NREP: variants seen among roughly 807,000 people sequenced by gnomAD.
NREP encodes neuronal regeneration related protein.
A neutral mutation model predicts 8.6 loss-of-function variants in NREP; 5 were observed. The ratio of observed to expected loss-of-function variants is 0.58; its 90% CI spans 0.30 to 1.22. The LOEUF is 1.22. Ranked by LOEUF, NREP falls within the 50% of genes most tolerant of loss-of-function variation. The pLI is 0.07. For missense variants in NREP, 86 were observed against 82.5 expected, an observed-to-expected ratio of 1.04 and a Z score of -0.17; for synonymous variants, 27 against 28.0, an observed-to-expected ratio of 0.96 and a Z score of 0.11.
At chr5:111,918,211 CACAA>C (rs1279362526) in intron 2 of NREP, among the ~76,000 whole-genome samples, 1 of 152,054 alleles carries the variant, frequency 6.6e-6, no homozygotes, top group African/African-American at 2.4e-5. Context: ...TAAGAGAGGA[CACAA>C]ACAAACAGAA....
rs1276249450 is a variant in NREP, at chr5:111,870,259, G to T, written c.135+105015C>A. ...AGCCTGGCCAACATGGCGAAACCCT[G>T]TCTCTATTAAAAATACAAAATCAGC... On this transcript the variant is annotated intron_variant, in intron 2 of 3. Coordinates refer to the NREP transcript ENST00000395634. Among the ~76,000 whole-genome samples, 3 of 152,060 alleles carry T rather than the reference G, an allele frequency of 2.0e-5. No individual in the cohort carries two copies. The East Asian group carries it at 5.8e-4, about 29-fold the overall frequency.
chr5:111,797,062 AAGATAGAT>A lies in NREP; in HGVS notation c.136-61563_136-61556del, dbSNP rs58573941. ...AGAAAACGCAAGCGCAGTGTCTACT[AAGATAGAT>A]AGATAGATAGATAGATAGATAGATA... On this transcript the variant is annotated intron_variant, in intron 2 of 3. Coordinates refer to the NREP transcript ENST00000395634. Among the ~76,000 whole-genome samples, 1,216 of 147,428 alleles carry A rather than the reference AAGATAGAT, an allele frequency of 8.2e-3. 8 individuals carry two copies. The highest frequency in any genetic ancestry group is 0.026 in the South Asian group (117 of 4,496).
At position 111,971,388 on chromosome 5, in the gene NREP, G is replaced by C. The variant is rs80173387; in HGVS notation, c.135+3886C>G. On this transcript the variant is annotated intron_variant, in intron 2 of 3. Transcript: ENST00000395634. Reference sequence around the variant, plus strand: ...AAGCACAGAAGACCTTGAGTAGCCAGTCAATCTGTAGCAAAAAACAAAAAA... The same window carrying C: ...AAGCACAGAAGACCTTGAGTAGCCACTCAATCTGTAGCAAAAAACAAAAAA... Among the ~76,000 whole-genome samples, 632 of 152,172 alleles carry C rather than the reference G, an allele frequency of 4.2e-3. 9 individuals carry two copies. Among genetic ancestry groups the C allele is most frequent in the African/African-American group, 0.015 (614 of 41,508 alleles).
intron 2 of NREP, among the ~76,000 whole-genome samples, chr5:111,947,785 G>T (rs1756032650): frequency 6.6e-6 from 1 of 151,980 alleles, no homozygotes; most frequent in South Asian, 2.1e-4. Context: ...CATAAAGTAG[G>T]ACATCTTCGC....
chr5:111,970,440 C>G (rs1335189616), intron 2 of NREP, among the ~76,000 whole-genome samples: 1 of 152,186 alleles, frequency 6.6e-6, no homozygotes, highest in Non-Finnish European at 1.5e-5. Context: ...TTCACTGTCT[C>G]AAGCTCCTAA....
intron 2 of NREP, among the ~76,000 whole-genome samples, chr5:111,874,723 C>T (rs1428622553): frequency 6.6e-6 from 1 of 152,108 alleles, no homozygotes; most frequent in African/African-American, 2.4e-5. Context: ...TAAGTTGATA[C>T]CTTATGACCC....
chr5:111,742,221 A>AAGAT (rs1749727614), intron 2 of NREP, among the ~76,000 whole-genome samples: 1 of 152,156 alleles, frequency 6.6e-6, no homozygotes, highest in African/African-American at 2.4e-5. Flanking sequence ...AGGAAGGCAA[A>AAGAT]AGATTTACAA....
chr5:111,830,670 GTC>G (rs1752746403), intron 2 of NREP, among the ~76,000 whole-genome samples: 2 of 152,168 alleles, frequency 1.3e-5, no homozygotes, highest in Non-Finnish European at 2.9e-5. Context: ...AGGTCTCTTT[GTC>G]TCTAATGGCT....
chr5:111,917,161 G>A (rs1755084767), intron 2 of NREP, among the ~76,000 whole-genome samples: 1 of 151,968 alleles, frequency 6.6e-6, no homozygotes, highest in Non-Finnish European at 1.5e-5. Context: ...TGCACAGTGT[G>A]TTTAAGAAGT....
intron 2 of NREP, among the ~76,000 whole-genome samples, chr5:111,838,541 G>T (rs1348029727): frequency 6.6e-6 from 1 of 152,018 alleles, no homozygotes; most frequent in Non-Finnish European, 1.5e-5. Context: ...TGAATAGAAA[G>T]AATTTAAGAT....
chr5:111,907,136 G>A (rs994837695), intron 2 of NREP, among the ~76,000 whole-genome samples: 4 of 151,882 alleles, frequency 2.6e-5, no homozygotes, highest in Non-Finnish European at 5.9e-5. Flanking sequence ...CCTAGCCTGT[G>A]GCTTGTCTTT....
intron 2 of NREP, among the ~76,000 whole-genome samples, chr5:111,919,863 A>AGG (rs1561346036): frequency 1.9e-4 from 19 of 97,678 alleles, no homozygotes; most frequent in African/African-American, 6.8e-4. Flanking sequence ...CCAGAACTTG[A>AGG]AGAGAGAGAA....
chr5:111,855,649 A>G (rs996002029), intron 2 of NREP, among the ~76,000 whole-genome samples: 5 of 152,198 alleles, frequency 3.3e-5, no homozygotes, highest in Admixed American at 2.0e-4. Flanking sequence ...TGCAAACTGC[A>G]ACATCTAAGA....
At chr5:111,780,261 T>C (rs1307766708) in intron 2 of NREP, among the ~76,000 whole-genome samples, 2 of 152,170 alleles carry the variant, frequency 1.3e-5, no homozygotes, top group African/African-American at 4.8e-5. Flanking sequence ...AGTGGGACTT[T>C]GGATTTAAAA....
intron 2 of NREP, among the ~76,000 whole-genome samples, chr5:111,803,156 C>T (rs1752052671): frequency 6.6e-6 from 1 of 152,022 alleles, no homozygotes; most frequent in South Asian, 2.1e-4. Context: ...AGTCAGAGTT[C>T]ATAAAAAGAG....
intron 2 of NREP, among the ~76,000 whole-genome samples, chr5:111,946,438 C>A (rs1010171290): frequency 6.6e-6 from 1 of 151,970 alleles, no homozygotes; most frequent in Non-Finnish European, 1.5e-5. Context: ...ATTGTTTGAT[C>A]TGAATAACAA....
chr5:111,743,003 A>ACTT, intron 2 of NREP, among the ~76,000 whole-genome samples: 1 of 152,268 alleles, frequency 6.6e-6, no homozygotes, highest in Non-Finnish European at 1.5e-5. Context: ...TCAAATCTTG[A>ACTT]CTTTTAATGG....
intron 2 of NREP, among the ~76,000 whole-genome samples, chr5:111,906,253 TG>T (rs1040165905): frequency 2.1e-4 from 32 of 152,178 alleles, no homozygotes; most frequent in African/African-American, 7.0e-4. Flanking sequence ...AATTTTGCAA[TG>T]TGTTTCTTAT....
At chr5:111,776,857 A>G (rs570127835) in intron 2 of NREP, among the ~76,000 whole-genome samples, 1 of 152,334 alleles carries the variant, frequency 6.6e-6, no homozygotes, top group African/African-American at 2.4e-5. Flanking sequence ...AATGGTGTTT[A>G]CAAAGGTATA....
Sources: gnomAD v4.1 joint callset for allele counts (sites outside exome capture counted in the v4.1 genomes callset) on GRCh38, gnomAD v4.1.1 for gene constraint, MANE v1.5 for transcripts, NCBI Gene and HGNC (gene_info 2026-07-23, HGNC 2026-07-21) for gene names.